The following ANKRD13B variants were observed in gnomAD, a reference collection of about 807,000 sequenced individuals.
ANKRD13B encodes ankyrin repeat domain-containing protein 13B.
In ANKRD13B, 33 loss-of-function variants were observed where a neutral mutation model predicts 74.4. That is an observed-to-expected ratio of 0.44 (90% confidence interval 0.34 to 0.59). ANKRD13B has a LOEUF of 0.59. ANKRD13B is among the 20% of genes least tolerant of loss of function. The pLI is 0.02. For synonymous variants in ANKRD13B, 341 were observed against 362.9 expected (o/e 0.94, Z 0.68); for missense variants, 676 against 877.9 (o/e 0.77, Z 2.91).
intron 1 of ANKRD13B, among the ~76,000 whole-genome samples, chr17:29,595,912 G>C (rs1238662548): frequency 2.6e-5 from 4 of 152,186 alleles, no homozygotes; most frequent in Non-Finnish European, 5.9e-5. Context: ...CTTGTATCCA[G>C]ATGTACACTG....
intron 1 of ANKRD13B, among the ~76,000 whole-genome samples, chr17:29,594,825 G>A (rs1008345451): frequency 3.3e-5 from 5 of 152,214 alleles, no homozygotes; most frequent in Non-Finnish European, 5.9e-5. Flanking sequence ...GTCATGAGAA[G>A]TTCAGTCTGA....
In ANKRD13B at chr17:29,609,501, C is replaced by T; in HGVS notation, c.822+80C>T. On this transcript the variant is annotated intron_variant, in intron 7 of 14. Coordinates refer to ENST00000394859, the MANE Select transcript of ANKRD13B (RefSeq NM_152345.5). This position sits in a 1 kb window ranked among gnomAD's most constrained non-coding sequence, Gnocchi z 4.0. ...TGTACAGGGGATTCTGACCTCCCTT[C>T]CCCAGCCCTGGAGGTACAGAAGCAA... The T allele has an allele frequency of 6.6e-7, 1 of 1,524,922 alleles. No individual in the cohort carries two copies. The highest frequency in any genetic ancestry group is 9.0e-7 in the Non-Finnish European group (1 of 1,112,698). 94.5% of individuals were successfully genotyped at this position (1,524,922 alleles called of 1,614,324 possible).
Position 29,611,546 on chromosome 17 carries a change from G to A in ANKRD13B, c.905-33G>A. On this transcript the variant is annotated intron_variant, in intron 8 of 14. Coordinates refer to ENST00000394859, the MANE Select transcript of ANKRD13B (RefSeq NM_152345.5). The surrounding 1 kb of genome is among the most constrained non-coding windows in gnomAD (Gnocchi z 4.3). ...GAGGTGCCCAGGTGTGTGTGGAGTT[G>A]CGGTGTCCTCTGAGATGCCACATTT... 1.9e-6 allele frequency: 3 copies of A among 1,607,968 alleles called. No homozygotes were observed. The highest frequency in any genetic ancestry group is 1.7e-4 in the Middle Eastern group (1 of 6,004).
In ANKRD13B at chr17:29,613,696, C is replaced by T. The variant is rs2034696601; in HGVS notation, c.*114C>T. 7.4e-7 allele frequency: 1 copy of T among 1,359,558 alleles called. No individual in the cohort carries two copies. The highest frequency in any genetic ancestry group is 1.5e-5 in the African/African-American group (1 of 64,830). The allele number at this position is 1,359,558 out of a possible 1,614,324, so 84.2% of individuals were successfully genotyped here. The stretch of plus-strand genomic sequence containing the variant: ...GGCGGCTGGAGACTGGAGCCACCGC[C>T]TCGCGGGTGCAGCAGCACAGCAGGC... On this transcript the variant is annotated 3_prime_UTR_variant, in exon 15 of 15. Coordinates refer to ENST00000394859, the MANE Select transcript of ANKRD13B (RefSeq NM_152345.5).
At chr17:29,593,893 T>C (rs1283095744) in intron 1 of ANKRD13B, 158 bp downstream of exon 1, 72 of 121,064 alleles carry the variant, frequency 5.9e-4, no homozygotes, top group Middle Eastern at 2.3e-3. Flanking sequence ...CGGGAAAGGG[T>C]GATCCCCTCC....
rs1019593300 is a variant in ANKRD13B at position 29,602,920 on chromosome 17, C to T, written c.115-4822C>T. 3.9e-5 allele frequency among the ~76,000 whole-genome samples: 6 copies of T among 151,928 alleles called. 1 individual carries two copies. Among genetic ancestry groups the T allele is most frequent in the South Asian group, 4.2e-4 (2 of 4,814 alleles). On this transcript the variant is annotated intron_variant, in intron 1 of 14. Transcript: ENST00000394859. ...AAGCTGGAGTGCAGTGACACGATCTCGGCTCATTGCAACCTCCCCTTCCCG... is the reference window on the plus strand; with the variant it reads ...AAGCTGGAGTGCAGTGACACGATCTTGGCTCATTGCAACCTCCCCTTCCCG...
At chr17:29,604,547 CT>C (rs555021703) in intron 1 of ANKRD13B, among the ~76,000 whole-genome samples, 4,999 of 133,658 alleles carry the variant, frequency 0.037, 120 homozygotes, top group Middle Eastern at 0.091. Context: ...CTTTTCTTTT[CT>C]TTTTTTTTTT....
In ANKRD13B at chr17:29,608,246, C is replaced by T. The variant is rs2034458093; in HGVS notation, c.421+6C>T. The T allele has an allele frequency of 3.7e-6, 6 of 1,614,086 alleles. No homozygotes were observed. The highest frequency in any genetic ancestry group is 1.7e-5 in the Admixed American group (1 of 60,014). On this transcript the variant is annotated splice_donor_region_variant and intron_variant, in intron 4 of 14. Transcript: ENST00000394859. The surrounding 1 kb of genome is among the most constrained non-coding windows in gnomAD (Gnocchi z 6.4). The stretch of plus-strand genomic sequence containing the variant: ...ATGGGAGTTCACTAGCTGGGGTAAG[C>T]GGGCTGCAGCAGGTCGCTTCTGGGC...
At chr17:29,610,226 C>G (rs1447470930) in intron 7 of ANKRD13B, among the ~76,000 whole-genome samples, 1 of 150,522 alleles carries the variant, frequency 6.6e-6, no homozygotes, top group Non-Finnish European at 1.5e-5. Flanking sequence ...GCCTGTTACT[C>G]TGGGACCCCT....
rs1038167801 is a variant in ANKRD13B, at chr17:29,601,588, T to C, written c.115-6154T>C. 2.6e-5 allele frequency among the ~76,000 whole-genome samples: 4 copies of C among 152,222 alleles called. No homozygotes were observed. The East Asian group carries it at 5.8e-4, about 22-fold the overall frequency. On this transcript the variant is annotated intron_variant, in intron 1 of 14. Transcript: ENST00000394859. ...AATCCTTTGTACAGATTCAAGTTTC[T>C]ATCTGGGATCATTTTCTTTCCACCT... is the stretch of plus-strand genomic sequence containing the variant.
intron 1 of ANKRD13B, among the ~76,000 whole-genome samples, chr17:29,601,493 A>G (rs928233062): frequency 1.3e-5 from 2 of 151,870 alleles, no homozygotes; most frequent in Middle Eastern, 3.4e-3. Context: ...AAGTGCTGGG[A>G]TTACAGGCAT....
Position 29,611,608 on chromosome 17 carries a change from G to A in ANKRD13B, c.934G>A (p.Gly312Arg). Residue 312 changes from glycine (G) to arginine (R), a missense_variant, in exon 9 of 15, where the codon GGA (glycine) becomes AGA (arginine). Transcript: ENST00000394859. This position sits in a 1 kb window ranked among gnomAD's most constrained non-coding sequence, Gnocchi z 4.3. Reference protein sequence around the residue: ...GCKTPLQSFLGIAEQHGGPQN... With the variant: ...GCKTPLQSFLRIAEQHGGPQN... The stretch of plus-strand genomic sequence containing the variant: ...TAAGACACCTTTGCAGTCCTTCCTG[G>A]GAATCGCTGAGCAGCACGGGGGCCC... 6.2e-7 allele frequency: 1 copy of A among 1,614,192 alleles called. No homozygotes were observed.
chr17:29,605,570 C>T (rs1439004240), intron 1 of ANKRD13B, among the ~76,000 whole-genome samples: 5 of 152,070 alleles, frequency 3.3e-5, no homozygotes, highest in South Asian at 2.1e-4. Flanking sequence ...CAGGCTTAAG[C>T]GATCCTCCCA....
chr17:29,593,655 C>T lies in ANKRD13B; in HGVS notation c.34C>T (p.Pro12Ser), dbSNP rs1179390444. ...IPANASARKG[P>S]EGKYPLHYLV... is the part of the protein sequence containing the mutation. ...CGCCAACGCCTCCGCCAGGAAGGGG[C>T]CCGAGGGCAAGTATCCGCTGCACTA... Residue 12 changes from proline to serine, a missense_variant, in exon 1 of 15, where the codon CCC becomes TCC. Physicochemically the swap from Pro to Ser is moderately conservative, Grantham distance 74. Transcript: ENST00000394859. 7.0e-7 allele frequency: 1 copy of T among 1,423,810 alleles called. No individual in the cohort carries two copies. The highest frequency in any genetic ancestry group is 9.3e-7 in the Non-Finnish European group (1 of 1,077,244). The allele number at this position is 1,423,810 out of a possible 1,614,324, so 88.2% of individuals were successfully genotyped here.
At chr17:29,610,899 CA>C in intron 8 of ANKRD13B, 133 bp downstream of exon 8, 2 of 878,220 alleles carry the variant, frequency 2.3e-6, no homozygotes, top group Non-Finnish European at 3.5e-6. Context: ...CGATAGATTT[CA>C]ATTCAGGTGC....
intron 1 of ANKRD13B, among the ~76,000 whole-genome samples, chr17:29,595,674 C>G (rs1041281607): frequency 3.9e-5 from 6 of 152,170 alleles, no homozygotes; most frequent in African/African-American, 1.4e-4. Flanking sequence ...AGATTCACCC[C>G]TACCCCTGCC....
chr17:29,595,302 C>T (rs917938305), intron 1 of ANKRD13B, among the ~76,000 whole-genome samples: 1 of 152,218 alleles, frequency 6.6e-6, no homozygotes, highest in Admixed American at 6.5e-5. Context: ...GCCAGCCAGC[C>T]TCTGCTGGCT....
At chr17:29,595,507 C>T (rs2033922129) in intron 1 of ANKRD13B, among the ~76,000 whole-genome samples, 2 of 152,140 alleles carry the variant, frequency 1.3e-5, no homozygotes, top group African/African-American at 4.8e-5. Context: ...AAAGACTTCT[C>T]CAGCAGGCCT....
chr17:29,595,431 C>T (rs1365355633), intron 1 of ANKRD13B, among the ~76,000 whole-genome samples: 1 of 152,228 alleles, frequency 6.6e-6, no homozygotes, highest in East Asian at 1.9e-4. Flanking sequence ...CAGTCCCACT[C>T]CCTTGCCTGA....
Sources: gnomAD v4.1 joint callset for allele counts (sites outside exome capture counted in the v4.1 genomes callset) on GRCh38, gnomAD v4.1.1 for gene constraint, Gnocchi (gnomAD v3.1) non-coding constraint, MANE v1.5 for transcripts, NCBI Gene and HGNC (gene_info 2026-07-23, HGNC 2026-07-21) for gene names.